GPLD1: variants seen among roughly 807,000 people sequenced by gnomAD.
The protein encoded by GPLD1 is glycosylphosphatidylinositol specific phospholipase D1.
Under a neutral mutation model 112.6 loss-of-function variants are expected in GPLD1, and 84 were observed. The ratio of observed to expected loss-of-function variants is 0.75; its 90% CI spans 0.63 to 0.89. The LOEUF (loss-of-function observed/expected upper bound fraction) is 0.89, where lower values mean the gene tolerates loss of function less well. GPLD1 is among the 40% of genes least tolerant of loss of function. GPLD1 has a pLI of 0.00. For synonymous variants in GPLD1, 386 were observed against 403.8 expected (o/e 0.96, Z 0.53); for missense variants, 1,044 against 1,051.5 (o/e 0.99, Z 0.10).
rs1762269610 is a variant in GPLD1 at position 24,427,360 on chromosome 6, T to G, written c.*1672A>C. ...CCACATCTTTTCCCTCTAGTTCTTT[T>G]GGCACAAGTTGTAACCTAATGCGAC... On this transcript the variant is annotated 3_prime_UTR_variant, in exon 25 of 25. Coordinates refer to ENST00000230036, the MANE Select transcript of GPLD1 (RefSeq NM_001503.4). Among the ~76,000 whole-genome samples, 1 of 152,228 alleles carries G rather than the reference T, an allele frequency of 6.6e-6. No individual in the cohort carries two copies. Among genetic ancestry groups the G allele is most frequent in the Admixed American group, 6.5e-5 (1 of 15,284 alleles).
downstream of GPLD1, chr6:24,425,179 T>C (rs1762190539): frequency 6.6e-6 from 1 of 152,204 alleles, no homozygotes; most frequent in Non-Finnish European, 1.5e-5. Context: ...CAGGGCACAC[T>C]TTTGGCACAC....
chr6:24,451,637 G>A (rs979270620), intron 14 of GPLD1, among the ~76,000 whole-genome samples: 1 of 152,162 alleles, frequency 6.6e-6, no homozygotes, highest in Non-Finnish European at 1.5e-5. Context: ...CGCCCGGCCA[G>A]GTTCTCCAAT....
chr6:24,437,534 A>G (rs1003361425), intron 20 of GPLD1, among the ~76,000 whole-genome samples: 7 of 152,124 alleles, frequency 4.6e-5, no homozygotes, highest in African/African-American at 1.7e-4. Flanking sequence ...CCCATAATAC[A>G]GTCTCCACAC....
chr6:24,485,838 T>A (rs1199986481), intron 2 of GPLD1, among the ~76,000 whole-genome samples: 1 of 151,766 alleles, frequency 6.6e-6, no homozygotes, highest in East Asian at 1.9e-4. Flanking sequence ...CCCGGCTAAT[T>A]TTGGATTTTT....
At chr6:24,440,581 C>CAAAAAAAAAAAAAAAAAAA (rs58480061) in intron 20 of GPLD1, among the ~76,000 whole-genome samples, 2 of 118,532 alleles carry the variant, frequency 1.7e-5, no homozygotes, top group Non-Finnish European at 1.8e-5. Flanking sequence ...AAAAAATACT[C>CAAAAAAAAAAAAAAAAAAA]AAAAAAAAAA....
intron 14 of GPLD1, among the ~76,000 whole-genome samples, chr6:24,450,548 TAAC>T (rs1441157969): frequency 6.6e-6 from 1 of 152,086 alleles, no homozygotes; most frequent in African/African-American, 2.4e-5. Flanking sequence ...AATAATCATA[TAAC>T]ATCAGCAACA....
chr6:24,441,393 C>T (rs549527497), intron 20 of GPLD1, among the ~76,000 whole-genome samples: 4 of 152,018 alleles, frequency 2.6e-5, no homozygotes, highest in South Asian at 4.2e-4. Context: ...CACACTGAAG[C>T]GCTTCAGTGA....
At chr6:24,473,294 G>A (rs1763890645) in intron 6 of GPLD1, 1 of 189,478 alleles carries the variant, frequency 5.3e-6, no homozygotes, top group Non-Finnish European at 1.1e-5. Flanking sequence ...GAGTTTACTA[G>A]TTTAAAGCTA....
chr6:24,491,756 ATT>A (rs994255106), upstream of GPLD1, among the ~76,000 whole-genome samples: 1 of 152,124 alleles, frequency 6.6e-6, no homozygotes, highest in African/African-American at 2.4e-5. Flanking sequence ...AAATGTCTCA[ATT>A]TCTCATTATG....
chr6:24,448,986 G>A (rs1040117961), intron 15 of GPLD1, among the ~76,000 whole-genome samples: 2 of 152,046 alleles, frequency 1.3e-5, no homozygotes, highest in African/African-American at 4.8e-5. Context: ...ATGACACCCA[G>A]GGAAGAAGGG....
At chr6:24,434,701 G>A (rs907736273) in intron 22 of GPLD1, among the ~76,000 whole-genome samples, 1 of 151,732 alleles carries the variant, frequency 6.6e-6, no homozygotes, top group African/African-American at 2.4e-5. Flanking sequence ...AGCCAGGCGT[G>A]GTAGTGGGCG....
intron 12 of GPLD1, among the ~76,000 whole-genome samples, chr6:24,458,967 T>C (rs1360069136): frequency 6.6e-6 from 1 of 152,128 alleles, no homozygotes; most frequent in Non-Finnish European, 1.5e-5. Flanking sequence ...AGAGACCCCA[T>C]TCACAAAGTT....
rs1181890589 is a variant in GPLD1, at chr6:24,470,289, A to G, written c.545+2293T>C. The stretch of plus-strand genomic sequence containing the variant: ...AGTATAACTCCAGTCACATCTGATA[A>G]AGGAGACTTTAATGCAGCAACTATT... On this transcript the variant is annotated intron_variant, in intron 7 of 24. Coordinates refer to ENST00000230036, the MANE Select transcript of GPLD1 (RefSeq NM_001503.4). Among the ~76,000 whole-genome samples, 4 of 152,168 alleles carry G rather than the reference A, an allele frequency of 2.6e-5. No individual in the cohort carries two copies. In the East Asian group the frequency reaches 7.7e-4, roughly 29 times the overall value.
At chr6:24,481,754 T>C (rs367989739) in intron 2 of GPLD1, among the ~76,000 whole-genome samples, 5 of 152,312 alleles carry the variant, frequency 3.3e-5, no homozygotes, top group Admixed American at 1.3e-4. Context: ...TGGAGAGATA[T>C]AGAAACCATC....
chr6:24,444,028 C>T (rs568424435), intron 20 of GPLD1, among the ~76,000 whole-genome samples: 6 of 152,238 alleles, frequency 3.9e-5, no homozygotes, highest in South Asian at 2.1e-4. Flanking sequence ...CAAGAAACAA[C>T]AATCTTTCTG....
In GPLD1 at chr6:24,472,577, C is replaced by T. The variant is rs1186796628; in HGVS notation, c.545+5G>A. ...ACCACATATTTAGATGTACATTGCT[C>T]TTACCAGCGTCGTGCAAGGTAATTA... On this transcript the variant is annotated splice_donor_5th_base_variant and intron_variant, in intron 7 of 24. Transcript: ENST00000230036. The T allele has an allele frequency of 1.3e-6, 2 of 1,557,122 alleles. No homozygotes were observed. Among genetic ancestry groups the T allele is most frequent in the Non-Finnish European group, 1.8e-6 (2 of 1,128,206 alleles).
In GPLD1 at chr6:24,449,821, G is replaced by C; in HGVS notation, c.1414C>G (p.Pro472Ala). The C allele has an allele frequency of 6.2e-7, 1 of 1,613,658 alleles. No individual in the cohort carries two copies. Among genetic ancestry groups the C allele is most frequent in the South Asian group, 1.1e-5 (1 of 91,062 alleles). Residue 472 changes from proline to alanine, a missense_variant, in exon 15 of 25, where the codon CCC (proline) becomes GCC (alanine). Physicochemically the swap from Pro to Ala is conservative, Grantham distance 27. Transcript: ENST00000230036. ...DGVPDLAVGA[P>A]SVGSEQLTYK... ...GTGAGCTGCTCGGAGCCCACCGAGG[G>C]AGCTCCCACGGCCAGGTCAGGCACG... is the stretch of plus-strand genomic sequence containing the variant.
chr6:24,494,409 C>T (rs1182832159), upstream of GPLD1, among the ~76,000 whole-genome samples: 3 of 152,132 alleles, frequency 2.0e-5, no homozygotes, highest in Non-Finnish European at 4.4e-5. Flanking sequence ...CCTAGACACA[C>T]ACCCAAAAAA....
At chr6:24,431,043 T>G (rs1266920745) in intron 24 of GPLD1, among the ~76,000 whole-genome samples, 2 of 152,194 alleles carry the variant, frequency 1.3e-5, no homozygotes, top group South Asian at 2.1e-4. Flanking sequence ...AAATAAAATT[T>G]TAGATATAAG....
Sources: allele counts gnomAD v4.1 joint callset (sites outside exome capture counted in the v4.1 genomes callset), GRCh38; gene constraint gnomAD v4.1.1; transcripts MANE v1.5; gene names NCBI Gene and HGNC (gene_info 2026-07-23, HGNC 2026-07-21).